Variants in CUL4A observed in about 807,000 individuals in gnomAD.
CUL4A encodes the protein cullin-4A.
CUL4A carries 16 observed loss-of-function variants against 95.5 expected under a neutral mutation model. The observed-to-expected ratio is 0.17, with a 90% CI of 0.11 to 0.25. The LOEUF (loss-of-function observed/expected upper bound fraction) is 0.25. Among genes scored for constraint, CUL4A ranks in the 10% least tolerant of loss-of-function variants. CUL4A has a pLI of 1.00. For synonymous variants in CUL4A, 380 were observed against 353.1 expected, an observed-to-expected ratio of 1.08 and a Z score of -0.85; for missense variants, 610 against 937.0, an observed-to-expected ratio of 0.65 and a Z score of 4.56.
chr13:113,231,935 G>A (rs528253701), intron 5 of CUL4A, among the ~76,000 whole-genome samples: 1 of 151,836 alleles, frequency 6.6e-6, no homozygotes, highest in Non-Finnish European at 1.5e-5. Context: ...ACCCACCACT[G>A]CGGCTGCTGC....
rs1595373504 is a variant in CUL4A, at chr13:113,228,098, C to T, written c.438+53C>T. The T allele has an allele frequency of 2.3e-6, 3 of 1,326,626 alleles. No individual in the cohort carries two copies. In the East Asian group the frequency reaches 6.9e-5, roughly 31 times the overall value. 82.2% of individuals were successfully genotyped at this position (1,326,626 alleles called of 1,614,324 possible). On this transcript the variant is annotated intron_variant, in intron 4 of 19. Transcript: ENST00000375440. ...CACGACCTCATCCATCTTCCCTCACCCACATGATTGAGAGCTGAGACATAG... is the reference window on the plus strand; with the variant it reads ...CACGACCTCATCCATCTTCCCTCACTCACATGATTGAGAGCTGAGACATAG...
intron 3 of CUL4A, among the ~76,000 whole-genome samples, chr13:113,221,550 G>A (rs1423437959): frequency 4.0e-5 from 6 of 151,724 alleles, no homozygotes; most frequent in African/African-American, 9.7e-5. Flanking sequence ...TGTGATAAGG[G>A]TTTTTTTTGT....
At chr13:113,233,857 C>T in intron 6 of CUL4A, 40 bp from the exon 7 acceptor site, 1 of 1,090,492 alleles carries the variant, frequency 9.2e-7, no homozygotes, top group Non-Finnish European at 1.4e-6. Flanking sequence ...AAGATAGTTT[C>T]CTTTACTGAA....
At chr13:113,229,835 C>A in intron 5 of CUL4A, 1 of 467,446 alleles carries the variant, frequency 2.1e-6, no homozygotes, top group Non-Finnish European at 3.7e-6. Context: ...TCCAGCGCTG[C>A]AGTTGAAACT....
chr13:113,256,926 G>GT (rs951070829), intron 18 of CUL4A, among the ~76,000 whole-genome samples: 17,550 of 47,100 alleles, frequency 0.37, 4,283 homozygotes, highest in East Asian at 0.47. Context: ...TTTTTTTTTC[G>GT]TTTTTTTTTT....
At chr13:113,226,411 A>G (rs557686128) in intron 3 of CUL4A, among the ~76,000 whole-genome samples, 2 of 152,358 alleles carry the variant, frequency 1.3e-5, no homozygotes, top group South Asian at 4.1e-4. Flanking sequence ...CTTAATCTGT[A>G]CAAAGGGAAC....
chr13:113,230,866 G>A (rs2041286760), intron 5 of CUL4A, among the ~76,000 whole-genome samples: 1 of 152,030 alleles, frequency 6.6e-6, no homozygotes. Context: ...AAACTCCTGG[G>A]CTCAAGTGAT....
chr13:113,227,871 G>A lies in CUL4A; in HGVS notation c.369-105G>A, dbSNP rs887369723. On this transcript the variant is annotated intron_variant, in intron 3 of 19. Coordinates refer to ENST00000375440, the MANE Select transcript of CUL4A (RefSeq NM_001008895.4). ...ACTGCTGAGCTAAGATCGTGCCACT[G>A]CACTCCAGCCTGGGCGACAGAGCGA... The A allele has an allele frequency of 5.7e-5, 36 of 629,714 alleles. No homozygotes were observed. In the African/African-American group the frequency reaches 6.0e-4, roughly 11 times the overall value. 39.0% of individuals were successfully genotyped at this position (629,714 alleles called of 1,614,324 possible).
chr13:113,253,700 C>T (rs1168356902), intron 16 of CUL4A, among the ~76,000 whole-genome samples: 2 of 152,114 alleles, frequency 1.3e-5, no homozygotes, highest in Admixed American at 6.6e-5. Context: ...AGTTTCAACT[C>T]TAGGAACTCA....
At chr13:113,249,479 C>T (rs61967872) in intron 15 of CUL4A, among the ~76,000 whole-genome samples, 3,245 of 152,314 alleles carry the variant, frequency 0.021, 67 homozygotes, top group Middle Eastern at 0.041. Flanking sequence ...ATCGATAGGT[C>T]ACATCTGGTT....
chr13:113,236,475 C>T lies in CUL4A; in HGVS notation c.849-348C>T, dbSNP rs76373916. On this transcript the variant is annotated intron_variant, in intron 8 of 19. Transcript: ENST00000375440. ...CAGAAGGCGGAATGTCGGCTCTGCC[C>T]TTCTCCGTAAGATGGTGCATTAAAA... is the stretch of plus-strand genomic sequence containing the variant. Among the ~76,000 whole-genome samples, 740 of 152,290 alleles carry T rather than the reference C, an allele frequency of 4.9e-3. 5 individuals are homozygous for T. The highest frequency in any genetic ancestry group is 0.017 in the African/African-American group (696 of 41,554).
chr13:113,228,352 G>T (rs1184147703), intron 4 of CUL4A, among the ~76,000 whole-genome samples: 1 of 152,196 alleles, frequency 6.6e-6, no homozygotes, highest in Non-Finnish European at 1.5e-5. Context: ...CTGAATCCCA[G>T]GTCTTTCCTG....
chr13:113,260,229 A>G (rs1235782850), intron 18 of CUL4A, among the ~76,000 whole-genome samples: 1 of 129,316 alleles, frequency 7.7e-6, no homozygotes, highest in Admixed American at 7.7e-5. Context: ...ACCATTTCCC[A>G]TCAAATTCGG....
In CUL4A at chr13:113,233,327, G is replaced by C. The variant is rs767388016; in HGVS notation, c.663G>C (p.Leu221=). 4 of 1,612,854 alleles carry C rather than the reference G, an allele frequency of 2.5e-6. No homozygotes were observed. In the South Asian group the frequency reaches 3.3e-5, roughly 13 times the overall value. Residue 221 remains leucine, a synonymous_variant, in exon 6 of 20, where the codon CTG becomes CTC. Transcript: ENST00000375440. ...TGTTGCGGAGCCTCCTGGGCATGCT[G>C]TCTGACCTGCAGGTGAGTGCTGCCT... ...RSLLRSLLGM[L]SDLQVYKDSF...
Position 113,233,246 on chromosome 13 carries a change from T to C in CUL4A, c.582T>C (p.Asp194=). Residue 194 remains aspartate (D), a synonymous_variant, in exon 6 of 20, where the codon GAT becomes GAC. Transcript: ENST00000375440. ...SDKMVQSKTI[D]GILLLIERER... is the part of the protein sequence containing the mutation. ...AAATGGTTCAGAGTAAAACCATTGA[T>C]GGAATCCTACTGCTGATCGAGCGCG... 6.2e-7 allele frequency: 1 copy of C among 1,614,108 alleles called. No individual in the cohort carries two copies. Among genetic ancestry groups the C allele is most frequent in the Non-Finnish European group, 8.5e-7 (1 of 1,180,010 alleles).
intron 2 of CUL4A, among the ~76,000 whole-genome samples, chr13:113,213,683 TA>T (rs1208805122): frequency 2.0e-5 from 3 of 152,238 alleles, no homozygotes. Context: ...CACTAGATAT[TA>T]TGAACAATGT....
chr13:113,252,733 TG>T (rs1394877350), intron 15 of CUL4A, among the ~76,000 whole-genome samples: 1 of 152,194 alleles, frequency 6.6e-6, no homozygotes, highest in East Asian at 1.9e-4. Flanking sequence ...GGGCTGGGCA[TG>T]GCCGGGCTGA....
At chr13:113,250,309 G>A (rs755964930) in intron 15 of CUL4A, among the ~76,000 whole-genome samples, 2 of 152,040 alleles carry the variant, frequency 1.3e-5, no homozygotes, top group South Asian at 2.1e-4. Context: ...CAGATTAGCC[G>A]CATGTCGTGG....
rs9604039 is a variant in CUL4A at position 113,247,682 on chromosome 13, G to A, written c.1638+1619G>A. On this transcript the variant is annotated intron_variant, in intron 15 of 19. Coordinates refer to ENST00000375440, the MANE Select transcript of CUL4A (RefSeq NM_001008895.4). The stretch of plus-strand genomic sequence containing the variant: ...CTAGCCAGACTTAGAGAACATGTGC[G>A]GGATGCTCAAAGAAAGCCAGGCAGC... Among the ~76,000 whole-genome samples, 1,178 of 152,256 alleles carry A rather than the reference G, an allele frequency of 7.7e-3. 17 individuals are homozygous for A. The highest frequency in any genetic ancestry group is 0.027 in the African/African-American group (1,119 of 41,536).
Sources: allele counts gnomAD v4.1 joint callset (sites outside exome capture counted in the v4.1 genomes callset), GRCh38; gene constraint gnomAD v4.1.1; transcripts MANE v1.5; gene names NCBI Gene and HGNC (gene_info 2026-07-23, HGNC 2026-07-21).